The following GFRA2 variants were observed in gnomAD, a reference collection of about 807,000 sequenced individuals.
The protein encoded by GFRA2 is GDNF family receptor alpha 2.
A neutral mutation model predicts 48.3 loss-of-function variants in GFRA2; 17 were observed. The ratio of observed to expected loss-of-function variants is 0.35; its 90% confidence interval spans 0.24 to 0.53. GFRA2 has a LOEUF of 0.53. Ranked by LOEUF, GFRA2 falls within the 20% of genes least tolerant of loss-of-function variation. The probability of loss-of-function intolerance (pLI) is 0.93; values close to 1 mark genes in which losing one functional copy is unlikely to be tolerated. For missense variants in GFRA2, 660 were observed against 637.3 expected, an observed-to-expected ratio of 1.04 and a Z score of -0.38; for synonymous variants, 305 against 257.2, an observed-to-expected ratio of 1.19 and a Z score of -1.78.
intron 4 of GFRA2, among the ~76,000 whole-genome samples, chr8:21,737,006 G>C (rs937288752): frequency 6.6e-6 from 1 of 151,852 alleles, no homozygotes; most frequent in Non-Finnish European, 1.5e-5. Context: ...CAGCAGGTCC[G>C]AGTTACACAT....
intron 3 of GFRA2, chr8:21,769,254 C>CA (rs1806328581): frequency 1.8e-5 from 13 of 733,974 alleles, no homozygotes; most frequent in Admixed American, 1.3e-4. Flanking sequence ...CCCGCCCCAG[C>CA]CCCGCCCCTG....
chr8:21,742,994 T>C (rs556384576), intron 4 of GFRA2, among the ~76,000 whole-genome samples: 3 of 152,208 alleles, frequency 2.0e-5, no homozygotes, highest in African/African-American at 7.2e-5. Context: ...AGAGCTCTGA[T>C]TTGGAGCTTC....
chr8:21,697,637 T>C (rs571303119), intron 7 of GFRA2, among the ~76,000 whole-genome samples: 22 of 152,226 alleles, frequency 1.4e-4, no homozygotes, highest in African/African-American at 5.3e-4. Flanking sequence ...AATAGAGAAA[T>C]AAACTCGCAC....
chr8:21,773,903 G>C (rs1806559845), intron 3 of GFRA2, among the ~76,000 whole-genome samples: 1 of 152,114 alleles, frequency 6.6e-6, no homozygotes, highest in Non-Finnish European at 1.5e-5. Context: ...GTGGGGCCGG[G>C]GACATTGCTG....
chr8:21,776,234 G>A (rs2117713325), intron 2 of GFRA2, among the ~76,000 whole-genome samples: 1 of 152,058 alleles, frequency 6.6e-6, no homozygotes, highest in East Asian at 1.9e-4. Flanking sequence ...GCTGGAACTG[G>A]AGACTCAACT....
At chr8:21,721,322 C>T (rs1198821662) in intron 4 of GFRA2, among the ~76,000 whole-genome samples, 1 of 152,164 alleles carries the variant, frequency 6.6e-6, no homozygotes, top group Non-Finnish European at 1.5e-5. Flanking sequence ...TCTGCTTTCT[C>T]TGATAACAGC....
chr8:21,751,056 T>C, intron 3 of GFRA2, 114 bp from the exon 4 acceptor site: 1 of 732,882 alleles, frequency 1.4e-6, no homozygotes, highest in East Asian at 2.7e-5. Context: ...GTGCCTGCTC[T>C]GTGCCTCAGT....
At chr8:21,796,816 G>A (rs1430378705) in intron 2 of GFRA2, among the ~76,000 whole-genome samples, 1 of 152,218 alleles carries the variant, frequency 6.6e-6, no homozygotes, top group African/African-American at 2.4e-5. Context: ...GCTAATGGTA[G>A]AATTTTAGTC....
intron 4 of GFRA2, among the ~76,000 whole-genome samples, chr8:21,727,744 C>G (rs1239436280): frequency 6.6e-6 from 1 of 152,206 alleles, no homozygotes; most frequent in Non-Finnish European, 1.5e-5. Flanking sequence ...GAGGGCCAGG[C>G]CAATCATCTG....
chr8:21,721,831 G>T (rs1005336658), intron 4 of GFRA2, among the ~76,000 whole-genome samples: 1 of 152,150 alleles, frequency 6.6e-6, no homozygotes, highest in African/African-American at 2.4e-5. Context: ...GACCAGGCAT[G>T]GCTGGGTTCT....
At chr8:21,760,010 A>G (rs1287059614) in intron 3 of GFRA2, among the ~76,000 whole-genome samples, 1 of 152,168 alleles carries the variant, frequency 6.6e-6, no homozygotes, top group African/African-American at 2.4e-5. Flanking sequence ...CACAAAAACA[A>G]AAACAAGGTA....
chr8:21,795,849 C>G (rs1231461413), intron 2 of GFRA2, among the ~76,000 whole-genome samples: 1 of 152,194 alleles, frequency 6.6e-6, no homozygotes, highest in Non-Finnish European at 1.5e-5. Context: ...TACTACAGGC[C>G]TGGGCTTCTC....
intron 1 of GFRA2, among the ~76,000 whole-genome samples, chr8:21,783,633 C>T (rs910976649): frequency 6.6e-6 from 1 of 152,062 alleles, no homozygotes; most frequent in African/African-American, 2.4e-5. Flanking sequence ...CCTTTCCCCC[C>T]TCACCCCTCC....
chr8:21,698,072 C>A (rs1027925959), intron 7 of GFRA2, among the ~76,000 whole-genome samples: 9 of 152,148 alleles, frequency 5.9e-5, no homozygotes, highest in African/African-American at 1.9e-4. Context: ...GCCTGTGGGT[C>A]TAGGGAAATA....
At chr8:21,802,004 C>G (rs1333507564) in intron 2 of GFRA2, among the ~76,000 whole-genome samples, 1 of 152,246 alleles carries the variant, frequency 6.6e-6, no homozygotes, top group Non-Finnish European at 1.5e-5. Flanking sequence ...CTCCTCAGCA[C>G]GCTGCCTTGC....
At chr8:21,747,059 C>T (rs1018819433) in intron 4 of GFRA2, among the ~76,000 whole-genome samples, 1 of 152,176 alleles carries the variant, frequency 6.6e-6, no homozygotes, top group Non-Finnish European at 1.5e-5. Context: ...CCCCTGCAGT[C>T]CTCCAGCTTT....
intron 2 of GFRA2, among the ~76,000 whole-genome samples, chr8:21,775,387 A>T (rs1167494951): frequency 1.3e-5 from 2 of 152,202 alleles, no homozygotes; most frequent in Non-Finnish European, 2.9e-5. Flanking sequence ...GGGGAAGTGG[A>T]GCAATGCTGG....
chr8:21,788,663 G>A lies in GFRA2; in HGVS notation c.-504C>T, dbSNP rs1807408098. The stretch of plus-strand genomic sequence containing the variant: ...GTCAGCGCCCAAGAACAATCCAGTC[G>A]GAGCTTCGAGGACGAGAGACTGGAG... On this transcript the variant is annotated 5_prime_UTR_variant, in exon 1 of 9. Coordinates refer to ENST00000524240, the MANE Select transcript of GFRA2 (RefSeq NM_001495.5). The A allele has an allele frequency of 3.0e-6, 3 of 986,220 alleles. No individual in the cohort carries two copies. The highest frequency in any genetic ancestry group is 3.5e-5 in the African/African-American group (2 of 57,404). 61.1% of individuals were successfully genotyped at this position (986,220 alleles called of 1,614,324 possible).
intron 2 of GFRA2, among the ~76,000 whole-genome samples, chr8:21,776,037 G>GTGTGTGTGTGTGTGTGTGTGTGTGTGTA (rs549952048): frequency 1.4e-5 from 2 of 139,790 alleles, no homozygotes; most frequent in Non-Finnish European, 3.1e-5. Context: ...GTGTGTGTGT[G>GTGTGTGTGTGTGTGTGTGTGTGTGTGTA]TGTAGTGAAA....
Sources: gnomAD v4.1 joint callset for allele counts (sites outside exome capture counted in the v4.1 genomes callset) on GRCh38, gnomAD v4.1.1 for gene constraint, MANE v1.5 for transcripts, NCBI Gene and HGNC (gene_info 2026-07-23, HGNC 2026-07-21) for gene names.